Variants in CTBP2 observed in about 807,000 individuals in gnomAD.
CTBP2 encodes C-terminal binding protein 2.
CTBP2 carries 30 observed loss-of-function variants against 80.3 expected under a neutral mutation model. That is an observed-to-expected ratio of 0.37 (90% CI 0.28 to 0.51). The LOEUF (loss-of-function observed/expected upper bound fraction) is 0.51. Ranked by LOEUF, CTBP2 falls within the 20% of genes least tolerant of loss-of-function variation. CTBP2 has a pLI of 0.93. For missense variants in CTBP2, 1,212 were observed against 1,375.3 expected (o/e 0.88, Z 1.88); for synonymous variants, 594 against 587.4 (o/e 1.01, Z -0.16).
At chr10:125,071,953 AG>A (rs1845554499) in intron 2 of CTBP2, among the ~76,000 whole-genome samples, 1 of 152,152 alleles carries the variant, frequency 6.6e-6, no homozygotes, top group Admixed American at 6.5e-5. Flanking sequence ...GGAAGACAAG[AG>A]GTCAAGACAG....
upstream of CTBP2, among the ~76,000 whole-genome samples, chr10:125,030,942 T>C (rs950331365): frequency 6.6e-6 from 1 of 152,074 alleles, no homozygotes; most frequent in African/African-American, 2.4e-5. Context: ...ATAGCGGAAA[T>C]AACATCTCAG....
At position 125,100,085 on chromosome 10, in the gene CTBP2, C is replaced by T. The variant is rs117019856; in HGVS notation, c.-102+10905G>A. Among the ~76,000 whole-genome samples the T allele has an allele frequency of 4.1e-4, 63 of 152,300 alleles. No homozygotes were observed. The East Asian group carries it at 0.012, about 29-fold the overall frequency. On this transcript the variant is annotated intron_variant, in intron 2 of 10. Coordinates refer to the CTBP2 transcript ENST00000337195. ...AGCTATTAACTGTGTTAACGGCATG[C>T]ACAGATGTTGTCTACATCTAAAAAT...
intron 1 of CTBP2, among the ~76,000 whole-genome samples, chr10:125,018,898 C>T (rs561904484): frequency 2.0e-5 from 3 of 152,374 alleles, no homozygotes; most frequent in South Asian, 2.1e-4. Context: ...ACAGGCTGCC[C>T]CATGTCCCAT....
chr10:124,991,114 C>T (rs1036718074), intron 8 of CTBP2, among the ~76,000 whole-genome samples: 4 of 152,246 alleles, frequency 2.6e-5, no homozygotes, highest in Non-Finnish European at 5.9e-5. Flanking sequence ...ATATTGCAAG[C>T]ACGAAGTGCT....
chr10:125,028,690 A>G (rs1957897156), upstream of CTBP2, among the ~76,000 whole-genome samples: 1 of 152,260 alleles, frequency 6.6e-6, no homozygotes, highest in Admixed American at 6.5e-5. Context: ...AGTGACTGCA[A>G]CAGAGGTCAC....
chr10:125,093,345 T>C (rs955327205), intron 2 of CTBP2, among the ~76,000 whole-genome samples: 4 of 152,192 alleles, frequency 2.6e-5, no homozygotes, highest in African/African-American at 7.2e-5. Context: ...AGCGGCCAAA[T>C]GTCCTTTCTA....
chr10:124,988,227 T>TGTA lies in CTBP2; in HGVS notation c.*1288_*1290dup. The TGTA allele has an allele frequency of 6.5e-6, 1 of 152,796 alleles. No homozygotes were observed. Among genetic ancestry groups the TGTA allele is most frequent in the East Asian group, 1.9e-4 (1 of 5,192 alleles). The allele number at this position is 152,796 out of a possible 1,614,324, so 9.5% of individuals were successfully genotyped here. A position where few individuals can be genotyped will look rare whatever the true frequency, so the allele number is the denominator to read the frequency against. ...GGTCTTGAGTCTGGTTATGGAACCC[T>TGTA]GTAGTAACAAGAGCTGGAAATTGGC... On this transcript the variant is annotated 3_prime_UTR_variant, in exon 9 of 9. Coordinates refer to ENST00000309035, the MANE Select transcript of CTBP2 (RefSeq NM_022802.3).
rs139319636 is a variant in CTBP2, at chr10:125,146,796, G to A, written c.-206+13523C>T. On this transcript the variant is annotated intron_variant, in intron 1 of 10. Transcript: ENST00000337195. The stretch of plus-strand genomic sequence containing the variant: ...CTGGCTGGGTGGAGAAAAGATATTT[G>A]AACATTTCAATCAGAAGACATTTGG... Among the ~76,000 whole-genome samples the A allele has an allele frequency of 6.2e-3, 944 of 152,254 alleles. 2 individuals carry two copies. Among genetic ancestry groups the A allele is most frequent in the Middle Eastern group, 0.014 (4 of 294 alleles).
At chr10:125,158,999 T>G (rs1257468270) in intron 1 of CTBP2, among the ~76,000 whole-genome samples, 1 of 151,370 alleles carries the variant, frequency 6.6e-6, no homozygotes, top group Admixed American at 6.6e-5. Flanking sequence ...CGGCGTGGGC[T>G]GCAGGCGACC....
intron 3 of CTBP2, among the ~76,000 whole-genome samples, chr10:125,002,670 G>A (rs1456654904): frequency 2.6e-5 from 4 of 152,182 alleles, no homozygotes; most frequent in Non-Finnish European, 5.9e-5. Context: ...CTCTGGAGGC[G>A]GCACTGGGTG....
intron 1 of CTBP2, among the ~76,000 whole-genome samples, chr10:125,159,604 T>G (rs906926409): frequency 2.0e-5 from 3 of 149,916 alleles, no homozygotes; most frequent in Non-Finnish European, 4.5e-5. Flanking sequence ...GTCTTTCACT[T>G]GCGCTCCCGG....
chr10:125,079,713 A>G (rs905656194), intron 2 of CTBP2, among the ~76,000 whole-genome samples: 1 of 152,238 alleles, frequency 6.6e-6, no homozygotes, highest in Non-Finnish European at 1.5e-5. Flanking sequence ...ACAATAGAAG[A>G]CCAAAATATC....
intron 2 of CTBP2, among the ~76,000 whole-genome samples, chr10:125,045,703 C>G (rs187199780): frequency 2.6e-4 from 39 of 152,268 alleles, no homozygotes; most frequent in Admixed American, 2.0e-3. Context: ...GTTGGCCAGG[C>G]TGGTCTCAAA....
chr10:125,094,776 A>G (rs1849304376), intron 2 of CTBP2, among the ~76,000 whole-genome samples: 1 of 152,006 alleles, frequency 6.6e-6, no homozygotes, highest in Non-Finnish European at 1.5e-5. Flanking sequence ...CAAAGTAGAA[A>G]CTCCTGCCTT....
At chr10:125,130,880 G>A (rs1856058072) in intron 1 of CTBP2, among the ~76,000 whole-genome samples, 1 of 152,168 alleles carries the variant, frequency 6.6e-6, no homozygotes, top group Admixed American at 6.5e-5. Flanking sequence ...CACCCAGAGA[G>A]GGCAAAGGGC....
rs1844578968 is a variant in CTBP2, at chr10:125,066,072, G to C, written c.-101-26917C>G. Among the ~76,000 whole-genome samples, 1 of 134,840 alleles carries C rather than the reference G, an allele frequency of 7.4e-6. No individual in the cohort carries two copies. The highest frequency in any genetic ancestry group is 3.1e-5 in the African/African-American group (1 of 32,586). 88.5% of individuals were successfully genotyped at this position (134,840 alleles called of 152,430 possible). On this transcript the variant is annotated intron_variant, in intron 2 of 10. Transcript: ENST00000337195. This position sits in a 1 kb window ranked among gnomAD's most constrained non-coding sequence, Gnocchi z 4.1. ...GCCCTGATTGTGCCATGGCACTCTA[G>C]CCAAAAAAAAAAAGCCGTCATCTTC...
intron 2 of CTBP2, among the ~76,000 whole-genome samples, chr10:125,093,923 G>GT (rs2135719063): frequency 6.6e-6 from 1 of 152,336 alleles, no homozygotes; most frequent in Non-Finnish European, 1.5e-5. Flanking sequence ...GAATTAAAGA[G>GT]TTGCTATAAC....
At chr10:125,017,223 G>A (rs1956587393) in intron 1 of CTBP2, among the ~76,000 whole-genome samples, 1 of 152,212 alleles carries the variant, frequency 6.6e-6, no homozygotes, top group Admixed American at 6.5e-5. Context: ...GGCTGTCGAC[G>A]GGTAGCGGAG....
At chr10:125,079,047 T>C (rs182203473) in intron 2 of CTBP2, among the ~76,000 whole-genome samples, 1 of 144,288 alleles carries the variant, frequency 6.9e-6, no homozygotes, top group East Asian at 2.1e-4. Context: ...CTCGGGAGGC[T>C]AAGGAACGAG....
Sources: gnomAD v4.1 joint callset for allele counts (sites outside exome capture counted in the v4.1 genomes callset) on GRCh38, gnomAD v4.1.1 for gene constraint, Gnocchi (gnomAD v3.1) non-coding constraint, MANE v1.5 for transcripts, NCBI Gene and HGNC (gene_info 2026-07-23, HGNC 2026-07-21) for gene names.